The following FOLH1 variants were observed in gnomAD, a reference collection of about 807,000 sequenced individuals.
FOLH1 encodes the protein folate hydrolase 1, also known as glutamate carboxypeptidase 2.
A neutral mutation model predicts 93.9 loss-of-function variants in FOLH1; 54 were observed. The observed-to-expected ratio is 0.57, with a 90% CI of 0.46 to 0.72. The LOEUF (loss-of-function observed/expected upper bound fraction) is 0.72. Among genes scored for constraint, FOLH1 ranks in the 30% least tolerant of loss-of-function variants. The probability of loss-of-function intolerance (pLI) is 0.00; values close to 1 mark genes in which losing one functional copy is unlikely to be tolerated. For synonymous variants in FOLH1, 249 were observed against 303.6 expected (o/e 0.82, Z 1.87); for missense variants, 571 against 892.5 (o/e 0.64, Z 4.59).
chr11:49,196,622 A>G (rs1490040097), intron 3 of FOLH1, among the ~76,000 whole-genome samples: 1 of 128,782 alleles, frequency 7.8e-6, no homozygotes, highest in African/African-American at 3.5e-5. Context: ...CTAACATTAG[A>G]ATACACTGAA....
At chr11:49,177,963 CAA>C (rs5791876) in intron 7 of FOLH1, among the ~76,000 whole-genome samples, 35 of 131,448 alleles carry the variant, frequency 2.7e-4, no homozygotes, top group South Asian at 9.7e-4. Context: ...AACTCAGTCT[CAA>C]AAAAAAAAAA....
intron 1 of FOLH1, among the ~76,000 whole-genome samples, chr11:49,207,107 T>C (rs1864064885): frequency 6.6e-6 from 1 of 151,970 alleles, no homozygotes; most frequent in Non-Finnish European, 1.5e-5. Context: ...ACAGAAAGAC[T>C]TGGATTAGAG....
chr11:49,203,091 T>C (rs1863460838), intron 2 of FOLH1, among the ~76,000 whole-genome samples: 1 of 152,236 alleles, frequency 6.6e-6, no homozygotes, highest in Admixed American at 6.5e-5. Flanking sequence ...AAGTGATTAA[T>C]AGATTAAGAA....
chr11:49,175,981 T>C (rs759493195), intron 7 of FOLH1, 24 bp from the exon 8 acceptor site: 28 of 1,605,788 alleles, frequency 1.7e-5, no homozygotes, highest in Non-Finnish European at 2.3e-5. Flanking sequence ...AAAAACATTA[T>C]TAGCCACAAA....
chr11:49,190,053 C>T (rs1861850553), intron 4 of FOLH1, among the ~76,000 whole-genome samples: 1 of 152,198 alleles, frequency 6.6e-6, no homozygotes, highest in African/African-American at 2.4e-5. Flanking sequence ...CTCTCTGGAG[C>T]ACACTCATTC....
intron 1 of FOLH1, chr11:49,206,453 C>A: frequency 3.2e-6 from 2 of 628,686 alleles, no homozygotes; most frequent in Non-Finnish European, 5.4e-6. Flanking sequence ...ATAATCAGGA[C>A]GAAAATAAAA....
intron 17 of FOLH1, among the ~76,000 whole-genome samples, chr11:49,151,743 TAA>T (rs1377273654): frequency 1.3e-5 from 2 of 152,128 alleles, no homozygotes; most frequent in Non-Finnish European, 2.9e-5. Flanking sequence ...TGCCAAACAA[TAA>T]GTGTCCTAAA....
chr11:49,185,552 T>G, intron 6 of FOLH1, 117 bp downstream of exon 6: 2 of 1,308,504 alleles, frequency 1.5e-6, no homozygotes, highest in East Asian at 5.0e-5. Flanking sequence ...TCTTTCATTC[T>G]TAAATGCAAA....
intron 17 of FOLH1, among the ~76,000 whole-genome samples, chr11:49,149,836 T>G (rs555728414): frequency 6.6e-6 from 1 of 152,218 alleles, no homozygotes; most frequent in South Asian, 2.1e-4. Flanking sequence ...GCTAACATTT[T>G]CAAATGTAAG....
chr11:49,160,630 G>A (rs1053722309), intron 13 of FOLH1, among the ~76,000 whole-genome samples: 5 of 152,038 alleles, frequency 3.3e-5, no homozygotes, highest in African/African-American at 7.2e-5. Flanking sequence ...TTTTAGTAGA[G>A]ACGGGGTTTC....
intron 8 of FOLH1, 63 bp downstream of exon 8, chr11:49,175,796 C>T: frequency 2.1e-6 from 3 of 1,456,308 alleles, no homozygotes; most frequent in Non-Finnish European, 2.8e-6. Context: ...CTGTCATCCT[C>T]TATAGTATTT....
chr11:49,189,611 AT>A (rs1198793805), intron 4 of FOLH1, among the ~76,000 whole-genome samples: 2 of 152,230 alleles, frequency 1.3e-5, no homozygotes, highest in Non-Finnish European at 2.9e-5. Context: ...TTTTCAATTT[AT>A]AATGGGTTTA....
intron 4 of FOLH1, among the ~76,000 whole-genome samples, chr11:49,188,763 C>T (rs567413512): frequency 3.3e-5 from 5 of 152,166 alleles, no homozygotes; most frequent in Admixed American, 2.6e-4. Context: ...CTTGTTTTTA[C>T]AGTAAGTTCT....
intron 7 of FOLH1, among the ~76,000 whole-genome samples, chr11:49,182,631 G>T (rs1167026503): frequency 6.6e-6 from 1 of 152,218 alleles, no homozygotes; most frequent in Non-Finnish European, 1.5e-5. Context: ...GAAACCCTGA[G>T]AAAGTCCTTA....
chr11:49,152,437 C>T (rs1313891138), intron 17 of FOLH1, among the ~76,000 whole-genome samples: 2 of 152,066 alleles, frequency 1.3e-5, no homozygotes, highest in Admixed American at 1.3e-4. Flanking sequence ...TTCAGTGTAC[C>T]AGCTACAGCA....
intron 2 of FOLH1, among the ~76,000 whole-genome samples, chr11:49,202,829 C>T (rs541700149): frequency 1.1e-4 from 16 of 152,248 alleles, no homozygotes; most frequent in African/African-American, 3.8e-4. Context: ...GCTGGAGCTC[C>T]AAGCTGCAGT....
chr11:49,191,012 A>G (rs1161544152), intron 4 of FOLH1, among the ~76,000 whole-genome samples: 3 of 152,200 alleles, frequency 2.0e-5, no homozygotes, highest in Admixed American at 1.3e-4. Context: ...TGAAAAGATT[A>G]TGTATACAAA....
chr11:49,157,884 G>A, intron 14 of FOLH1, 68 bp downstream of exon 14: 1 of 1,389,300 alleles, frequency 7.2e-7, no homozygotes, highest in Non-Finnish European at 9.7e-7. Context: ...ATGATTGAAA[G>A]AAAATGTGCT....
intron 3 of FOLH1, among the ~76,000 whole-genome samples, chr11:49,195,482 T>A (rs1003521607): frequency 4.6e-5 from 7 of 152,112 alleles, no homozygotes; most frequent in Non-Finnish European, 8.8e-5. Flanking sequence ...TGAATGTCAA[T>A]AAGTTAAGCA....
Sources: allele counts gnomAD v4.1 joint callset (sites outside exome capture counted in the v4.1 genomes callset), GRCh38; gene constraint gnomAD v4.1.1; transcripts MANE v1.5; gene names NCBI Gene and HGNC (gene_info 2026-07-23, HGNC 2026-07-21).